ERBB4: variants seen among roughly 807,000 people sequenced by gnomAD.
ERBB4 encodes the protein erb-b2 receptor tyrosine kinase 4, also known as receptor tyrosine-protein kinase erbB-4.
Under a neutral mutation model 158.0 loss-of-function variants are expected in ERBB4, and 42 were observed. The ratio of observed to expected loss-of-function variants is 0.27; its 90% CI spans 0.21 to 0.34. The LOEUF (loss-of-function observed/expected upper bound fraction) is 0.34. Ranked by LOEUF, ERBB4 falls within the 10% of genes least tolerant of loss-of-function variation. ERBB4 has a pLI of 1.00. For synonymous variants in ERBB4, 583 were observed against 558.7 expected (o/e 1.04, Z -0.61); for missense variants, 1,333 against 1,624.1 (o/e 0.82, Z 3.08).
intron 25 of ERBB4, among the ~76,000 whole-genome samples, chr2:211,402,397 G>T (rs1028376188): frequency 6.6e-6 from 1 of 151,970 alleles, no homozygotes; most frequent in Non-Finnish European, 1.5e-5. Flanking sequence ...ATCATTCTTA[G>T]GACTGATCTT....
At chr2:212,363,373 C>T (rs888923389) in intron 1 of ERBB4, among the ~76,000 whole-genome samples, 3 of 151,348 alleles carry the variant, frequency 2.0e-5, no homozygotes, top group African/African-American at 7.3e-5. Flanking sequence ...CTCGTTATCA[C>T]TGACAACAGA....
chr2:212,485,650 T>C (rs1037821141), intron 1 of ERBB4, among the ~76,000 whole-genome samples: 1 of 152,208 alleles, frequency 6.6e-6, no homozygotes, highest in East Asian at 1.9e-4. Context: ...CAGCACATTA[T>C]CTTAGCCCAC....
At chr2:212,319,926 C>T (rs2087480571) in intron 1 of ERBB4, among the ~76,000 whole-genome samples, 1 of 150,254 alleles carries the variant, frequency 6.7e-6, no homozygotes, top group Non-Finnish European at 1.5e-5. Context: ...ACAATATACT[C>T]TCATCTTTTC....
intron 25 of ERBB4, among the ~76,000 whole-genome samples, chr2:211,389,190 C>G (rs968216470): frequency 2.0e-5 from 3 of 152,140 alleles, no homozygotes; most frequent in Non-Finnish European, 2.9e-5. Flanking sequence ...CACCTGCCAC[C>G]ACGCCTGGAT....
intron 3 of ERBB4, among the ~76,000 whole-genome samples, chr2:211,838,789 C>T (rs915339055): frequency 3.3e-5 from 5 of 152,110 alleles, no homozygotes; most frequent in Admixed American, 2.0e-4. Flanking sequence ...TTCGGACTAA[C>T]GGGTCTGTAT....
At chr2:211,838,104 G>C (rs182455799) in intron 3 of ERBB4, among the ~76,000 whole-genome samples, 1 of 152,012 alleles carries the variant, frequency 6.6e-6, no homozygotes, top group Non-Finnish European at 1.5e-5. Flanking sequence ...ACCAGAGTGC[G>C]GAGAATCAAC....
At chr2:211,837,829 A>G (rs1008294362) in intron 3 of ERBB4, among the ~76,000 whole-genome samples, 4 of 152,134 alleles carry the variant, frequency 2.6e-5, no homozygotes, top group African/African-American at 9.7e-5. Context: ...GGTATTATAC[A>G]GGGTAGCAAA....
intron 2 of ERBB4, among the ~76,000 whole-genome samples, chr2:212,103,244 G>A (rs1398082215): frequency 6.6e-6 from 1 of 151,986 alleles, no homozygotes; most frequent in African/African-American, 2.4e-5. Context: ...TCATGTTCAG[G>A]TAAGCTGAAA....
At chr2:212,423,609 T>C (rs994679307) in intron 1 of ERBB4, among the ~76,000 whole-genome samples, 14 of 152,304 alleles carry the variant, frequency 9.2e-5, no homozygotes, top group African/African-American at 3.1e-4. Context: ...CAAACATATA[T>C]ATGAAAATGA....
chr2:211,715,203 A>C (rs951714419), intron 7 of ERBB4, among the ~76,000 whole-genome samples: 30 of 152,328 alleles, frequency 2.0e-4, no homozygotes, highest in Admixed American at 3.3e-4. Context: ...GAAATACTGG[A>C]AAATTTGAGA....
intron 21 of ERBB4, 133 bp from the exon 22 acceptor site, chr2:211,428,616 CT>C (rs2063685673): frequency 4.1e-6 from 2 of 482,424 alleles, no homozygotes; most frequent in African/African-American, 4.0e-5. Flanking sequence ...ATAACTATAA[CT>C]ATAAATATAT....
At chr2:212,511,656 A>T (rs1009070694) in intron 1 of ERBB4, among the ~76,000 whole-genome samples, 2 of 151,908 alleles carry the variant, frequency 1.3e-5, no homozygotes, top group Admixed American at 1.3e-4. Flanking sequence ...AAGAAGGGGG[A>T]GTCAACTTAA....
chr2:212,142,783 G>T (rs952569741), intron 1 of ERBB4, among the ~76,000 whole-genome samples: 1 of 151,906 alleles, frequency 6.6e-6, no homozygotes, highest in African/African-American at 2.4e-5. Flanking sequence ...GAGCTTTCAT[G>T]AAACTGTCCA....
chr2:211,699,841 G>A (rs1473406357), intron 12 of ERBB4, among the ~76,000 whole-genome samples: 1 of 152,050 alleles, frequency 6.6e-6, no homozygotes, highest in Non-Finnish European at 1.5e-5. Context: ...ATGTTTAGAA[G>A]TTTTAAAGAG....
chr2:212,436,505 G>A (rs1375235282), intron 1 of ERBB4, among the ~76,000 whole-genome samples: 3 of 151,962 alleles, frequency 2.0e-5, no homozygotes, highest in Non-Finnish European at 2.9e-5. Context: ...AAAAGAATAA[G>A]ATAAATATTT....
chr2:211,767,436 T>A (rs2075578553), intron 4 of ERBB4, among the ~76,000 whole-genome samples: 1 of 152,222 alleles, frequency 6.6e-6, no homozygotes, highest in African/African-American at 2.4e-5. Flanking sequence ...GTGCTTATTA[T>A]TTGACTCAAT....
intron 3 of ERBB4, among the ~76,000 whole-genome samples, chr2:211,914,537 G>A (rs2079634391): frequency 6.6e-6 from 1 of 152,060 alleles, no homozygotes; most frequent in East Asian, 1.9e-4. Flanking sequence ...AATGTCCAGA[G>A]ATGGAGATAA....
chr2:212,052,776 TC>T (rs1317878284), intron 2 of ERBB4, among the ~76,000 whole-genome samples: 2 of 152,152 alleles, frequency 1.3e-5, no homozygotes, highest in African/African-American at 4.8e-5. Flanking sequence ...TTATTACTAC[TC>T]CCGTACCCCT....
At chr2:212,135,815 G>C (rs749677510) in intron 1 of ERBB4, among the ~76,000 whole-genome samples, 2 of 152,090 alleles carry the variant, frequency 1.3e-5, no homozygotes, top group African/African-American at 4.8e-5. Context: ...CACTGGACTT[G>C]ACAAGCAATT....
Sources: allele counts gnomAD v4.1 joint callset (sites outside exome capture counted in the v4.1 genomes callset), GRCh38; gene constraint gnomAD v4.1.1; transcripts MANE v1.5; gene names NCBI Gene and HGNC (gene_info 2026-07-23, HGNC 2026-07-21).